Variants in GOLGA1 observed in about 807,000 individuals in gnomAD.
GOLGA1 encodes golgin A1.
In GOLGA1, 63 loss-of-function variants were observed where a neutral mutation model predicts 119.7. The ratio of observed to expected loss-of-function variants is 0.53; its 90% confidence interval spans 0.43 to 0.65. GOLGA1 has a LOEUF of 0.65. Ranked by LOEUF, GOLGA1 falls within the 30% of genes least tolerant of loss-of-function variation. The pLI is 0.00. For synonymous variants in GOLGA1, 318 were observed against 333.4 expected (o/e 0.95, Z 0.50); for missense variants, 798 against 912.8 (o/e 0.87, Z 1.62).
intron 6 of GOLGA1, among the ~76,000 whole-genome samples, chr9:124,927,159 T>TG (rs1830689718): frequency 6.6e-6 from 1 of 152,214 alleles, no homozygotes; most frequent in Admixed American, 6.5e-5. Flanking sequence ...TTCCTGAAAC[T>TG]GGGGGAGTAG....
intron 7 of GOLGA1, among the ~76,000 whole-genome samples, chr9:124,926,397 C>T (rs1830673773): frequency 6.6e-6 from 1 of 152,166 alleles, no homozygotes; most frequent in South Asian, 2.1e-4. Context: ...CAGGGTTCCC[C>T]ACTGGCTGAA....
intron 22 of GOLGA1, 124 bp from the exon 23 acceptor site, chr9:124,880,734 T>C: frequency 1.5e-6 from 1 of 671,472 alleles, no homozygotes; most frequent in Non-Finnish European, 2.7e-6. Flanking sequence ...CCTCTGGCTC[T>C]GAGCAGAGCA....
intron 16 of GOLGA1, 41 bp from the exon 17 acceptor site, chr9:124,889,577 T>G (rs576315662): frequency 8.0e-7 from 1 of 1,254,004 alleles, no homozygotes; most frequent in African/African-American, 1.5e-5. Context: ...TTGTGAGCAG[T>G]GACTCCATCT....
At chr9:124,920,796 T>C (rs2131485085) in intron 10 of GOLGA1, among the ~76,000 whole-genome samples, 1 of 138,862 alleles carries the variant, frequency 7.2e-6, no homozygotes, top group Non-Finnish European at 1.5e-5. Context: ...TAGCCGGGTG[T>C]GGTGGCGGGC....
intron 19 of GOLGA1, among the ~76,000 whole-genome samples, chr9:124,887,980 G>C (rs1829762205): frequency 6.6e-6 from 1 of 152,230 alleles, no homozygotes; most frequent in South Asian, 2.1e-4. Flanking sequence ...GGGGACAGCA[G>C]AGCTGGCAGG....
At chr9:124,939,550 C>CTTT (rs3051147) in intron 2 of GOLGA1, among the ~76,000 whole-genome samples, 18 of 81,840 alleles carry the variant, frequency 2.2e-4, no homozygotes, top group South Asian at 3.8e-4. Flanking sequence ...TTCTTTCTTT[C>CTTT]TTTTTTTTTT....
intron 15 of GOLGA1, among the ~76,000 whole-genome samples, chr9:124,896,391 C>T (rs574271194): frequency 6.6e-6 from 1 of 152,168 alleles, no homozygotes; most frequent in Non-Finnish European, 1.5e-5. Context: ...CCAGCCTGGG[C>T]GACAAAGTGA....
At position 124,928,277 on chromosome 9, in the gene GOLGA1, G is replaced by T. The variant is rs765595616; in HGVS notation, c.310C>A (p.Arg104=). The T allele has an allele frequency of 6.3e-7, 1 of 1,582,472 alleles. No individual in the cohort carries two copies. The highest frequency in any genetic ancestry group is 1.1e-5 in the South Asian group (1 of 89,964). The change falls in exon 6 of 23, where the codon CGG becomes AGG. Residue 104 remains arginine, a synonymous_variant. Coordinates refer to ENST00000373555, the MANE Select transcript of GOLGA1 (RefSeq NM_002077.4). ...GTCTCATTCTGCTCTTGAAATTTCC[G>T]CATGGAAGCTGTTAACAAAGAGGCT... is the stretch of plus-strand genomic sequence containing the variant. ...ALEKHQDSSM[R]KFQEQNETFQ...
At position 124,926,760 on chromosome 9, in the gene GOLGA1, A is replaced by G. The variant is rs1358719038; in HGVS notation, c.400-19T>C. On this transcript the variant is annotated intron_variant, in intron 6 of 22. Transcript: ENST00000373555. Reference sequence around the variant, plus strand: ...ACCATTCCTAAAACAAAACAATAAAAAAGTATGGTTTCCAGTGAAGAGTAT... The same window carrying G: ...ACCATTCCTAAAACAAAACAATAAAGAAGTATGGTTTCCAGTGAAGAGTAT... The G allele has an allele frequency of 2.7e-6, 4 of 1,487,608 alleles. No individual in the cohort carries two copies. Among genetic ancestry groups the G allele is most frequent in the Admixed American group, 3.7e-5 (2 of 54,750 alleles). The allele number at this position is 1,487,608 out of a possible 1,614,324, so 92.2% of individuals were successfully genotyped here. A position where few individuals can be genotyped will look rare whatever the true frequency, so the allele number is the denominator to read the frequency against.
rs369983401 is a variant in GOLGA1, at chr9:124,881,147, G to A, written c.2223+24C>T. Reference sequence around the variant, plus strand: ...AACTGACAACGTATCTTGGAAGCTGGAACAGTAGACCAGAGAACCCTACCT... The same window carrying A: ...AACTGACAACGTATCTTGGAAGCTGAAACAGTAGACCAGAGAACCCTACCT... On this transcript the variant is annotated intron_variant, in intron 22 of 22. Coordinates refer to ENST00000373555, the MANE Select transcript of GOLGA1 (RefSeq NM_002077.4). The surrounding 1 kb of genome is among the most constrained non-coding windows in gnomAD (Gnocchi z 4.9). 145 of 1,233,420 alleles carry A rather than the reference G, an allele frequency of 1.2e-4. 2 individuals carry two copies. Among genetic ancestry groups the A allele is most frequent in the South Asian group, 4.3e-4 (36 of 83,840 alleles). 76.4% of individuals were successfully genotyped at this position (1,233,420 alleles called of 1,614,324 possible). A position where few individuals can be genotyped will look rare whatever the true frequency, so the allele number is the denominator to read the frequency against.
chr9:124,894,155 T>C (rs1259929483), intron 15 of GOLGA1, among the ~76,000 whole-genome samples: 1 of 152,224 alleles, frequency 6.6e-6, no homozygotes, highest in Admixed American at 6.5e-5. Flanking sequence ...TAGCGCTTTC[T>C]GCCCTGTACT....
rs371453986 is a variant in GOLGA1, at chr9:124,910,146, G to A, written c.970-1674C>T. Reference sequence around the variant, plus strand: ...GGCTTTCACCATGTTGGCCAGGATGGTCTCGATCTCCTGATCTTGTGATCC... The same window carrying A: ...GGCTTTCACCATGTTGGCCAGGATGATCTCGATCTCCTGATCTTGTGATCC... On this transcript the variant is annotated intron_variant, in intron 11 of 22. Coordinates refer to ENST00000373555, the MANE Select transcript of GOLGA1 (RefSeq NM_002077.4). Among the ~76,000 whole-genome samples the A allele has an allele frequency of 6.6e-5, 10 of 152,204 alleles. No individual in the cohort carries two copies. In the South Asian group the frequency reaches 2.1e-3, roughly 32 times the overall value.
intron 12 of GOLGA1, among the ~76,000 whole-genome samples, chr9:124,904,385 G>C (rs1830177508): frequency 6.6e-6 from 1 of 152,102 alleles, no homozygotes; most frequent in South Asian, 2.1e-4. Context: ...AATGTACACT[G>C]ATCAAAAAGG....
Position 124,888,299 on chromosome 9 carries a change from T to C in GOLGA1, c.1859A>G (p.Gln620Arg). The C allele has an allele frequency of 1.9e-6, 3 of 1,614,110 alleles. No individual in the cohort carries two copies. Among genetic ancestry groups the C allele is most frequent in the Non-Finnish European group, 2.5e-6 (3 of 1,179,958 alleles). Reference sequence around the variant, plus strand: ...CTGCTCCAAGTCCTGTTTCTCCTTCTGTAGCTGTGTGAGATCCATGGCCCC... The same window carrying C: ...CTGCTCCAAGTCCTGTTTCTCCTTCCGTAGCTGTGTGAGATCCATGGCCCC... The part of the protein sequence containing the change: ...EVGAMDLTQL[Q>R]KEKQDLEQQL... Residue 620 changes from glutamine (Q) to arginine (R), a missense_variant, in exon 19 of 23, where the codon CAG (glutamine) becomes CGG (arginine). Gln to Arg is a conservative substitution (Grantham distance 43). Transcript: ENST00000373555. The surrounding 1 kb of genome is among the most constrained non-coding windows in gnomAD (Gnocchi z 4.4).
chr9:124,928,061 AC>A, intron 6 of GOLGA1, 126 bp downstream of exon 6: 3 of 517,802 alleles, frequency 5.8e-6, no homozygotes, highest in Non-Finnish European at 1.0e-5. Context: ...GAAAACCTTA[AC>A]GAACTTTTAA....
chr9:124,926,271 G>A (rs1174163088), intron 7 of GOLGA1, among the ~76,000 whole-genome samples: 1 of 152,188 alleles, frequency 6.6e-6, no homozygotes, highest in East Asian at 1.9e-4. Flanking sequence ...CAAACCAAAG[G>A]TCCAACTGAA....
chr9:124,881,989 C>T lies in GOLGA1; in HGVS notation c.1966-35G>A. ...CAGTGGGAAAGATGCTACACCGAACCCTCTGAGACAGGTGGAAAAAATCAC... is the reference window on the plus strand; with the variant it reads ...CAGTGGGAAAGATGCTACACCGAACTCTCTGAGACAGGTGGAAAAAATCAC... On this transcript the variant is annotated intron_variant, in intron 20 of 22. Transcript: ENST00000373555. This position sits in a 1 kb window ranked among gnomAD's most constrained non-coding sequence, Gnocchi z 4.9. The T allele has an allele frequency of 2.7e-6, 4 of 1,492,466 alleles. No homozygotes were observed. Among genetic ancestry groups the T allele is most frequent in the Non-Finnish European group, 3.6e-6 (4 of 1,098,744 alleles). The allele number at this position is 1,492,466 out of a possible 1,614,324, so 92.5% of individuals were successfully genotyped here. A position where few individuals can be genotyped will look rare whatever the true frequency, so the allele number is the denominator to read the frequency against.
At chr9:124,908,826 G>T (rs986829541) in intron 11 of GOLGA1, among the ~76,000 whole-genome samples, 1 of 152,216 alleles carries the variant, frequency 6.6e-6, no homozygotes, top group African/African-American at 2.4e-5. Flanking sequence ...TCCCAGGCAG[G>T]GGGATGACCA....
At chr9:124,937,813 T>A (rs755065799) in intron 3 of GOLGA1, among the ~76,000 whole-genome samples, 1 of 152,060 alleles carries the variant, frequency 6.6e-6, no homozygotes, top group Non-Finnish European at 1.5e-5. Context: ...CTGGGCATGG[T>A]GGCTCACGCC....
Sources: allele counts gnomAD v4.1 joint callset (sites outside exome capture counted in the v4.1 genomes callset), GRCh38; gene constraint gnomAD v4.1.1; non-coding constraint Gnocchi (gnomAD v3.1); transcripts MANE v1.5; gene names NCBI Gene and HGNC (gene_info 2026-07-23, HGNC 2026-07-21).